Variants in MGAM2 observed in about 807,000 individuals in gnomAD.
The protein encoded by MGAM2 is maltase-glucoamylase 2 (putative), also known as probable maltase-glucoamylase 2.
MGAM2 carries 98 observed loss-of-function variants against 96.1 expected under a neutral mutation model. The observed-to-expected ratio is 1.02, with a 90% CI of 0.87 to 1.21. The LOEUF (loss-of-function observed/expected upper bound fraction) is 1.21, where lower values mean the gene tolerates loss of function less well. Ranked by LOEUF, MGAM2 falls within the 50% of genes most tolerant of loss-of-function variation. The pLI is 0.00. For missense variants in MGAM2, 2,055 were observed against 1,182.4 expected (o/e 1.74, Z -10.82); for synonymous variants, 749 against 414.8 (o/e 1.81, Z -9.79).
chr7:142,183,997 G>A (rs1477605515), intron 33 of MGAM2, among the ~76,000 whole-genome samples: 2 of 78,984 alleles, frequency 2.5e-5, no homozygotes, highest in East Asian at 8.5e-4. Context: ...TTTTGAGATG[G>A]AGTGTCACTC....
chr7:142,185,004 C>A, intron 33 of MGAM2, 73 bp from the exon 34 acceptor site: 1 of 683,248 alleles, frequency 1.5e-6, no homozygotes, highest in South Asian at 1.6e-5. Flanking sequence ...TCATCAGAGT[C>A]TAACACATGA....
At chr7:142,121,651 A>G (rs1400591807) in intron 3 of MGAM2, among the ~76,000 whole-genome samples, 1 of 150,580 alleles carries the variant, frequency 6.6e-6, no homozygotes, top group African/African-American at 2.4e-5. Flanking sequence ...TTTTCTTACT[A>G]TTATTTTATT....
intron 7 of MGAM2, among the ~76,000 whole-genome samples, chr7:142,134,458 C>G (rs1173157389): frequency 1.3e-5 from 2 of 152,018 alleles, no homozygotes; most frequent in Non-Finnish European, 2.9e-5. Context: ...ATTACTATGT[C>G]TTGGTTTAAT....
At chr7:142,172,874 C>G in intron 30 of MGAM2, 110 bp downstream of exon 30, 2 of 578,852 alleles carry the variant, frequency 3.5e-6, no homozygotes, top group Non-Finnish European at 6.1e-6. Flanking sequence ...AGTGTCACTA[C>G]TAGATTATTA....
In MGAM2 at chr7:142,172,158, G is replaced by T; in HGVS notation, c.3412G>T (p.Ala1138Ser). 1.4e-6 allele frequency: 1 copy of T among 726,336 alleles called. No homozygotes were observed. Among genetic ancestry groups the T allele is most frequent in the Non-Finnish European group, 2.5e-6 (1 of 395,734 alleles). The allele number at this position is 726,336 out of a possible 1,614,324, so 45.0% of individuals were successfully genotyped here. ...YYMALEEDGS[A>S]HGVLLLNSNA... Reference sequence around the variant, plus strand: ...CATGGCACTGGAGGAGGATGGTAGTGCCCATGGAGTGCTCCTGCTAAATAG... The same window carrying T: ...CATGGCACTGGAGGAGGATGGTAGTTCCCATGGAGTGCTCCTGCTAAATAG... Residue 1138 changes from alanine to serine, a missense_variant, in exon 29 of 48, where the codon GCC becomes TCC. By Grantham distance (99) the Ala-to-Ser change is moderately conservative (BLOSUM62 1). Transcript: ENST00000477922.
At chr7:142,198,810 C>T (rs1489004444) in intron 44 of MGAM2, 71 bp downstream of exon 44, 5 of 646,374 alleles carry the variant, frequency 7.7e-6, no homozygotes, top group Non-Finnish European at 1.1e-5. Context: ...GGAGGCTGTC[C>T]CACCTTCGCC....
At chr7:142,146,374 C>T (rs1404405959) in intron 14 of MGAM2, among the ~76,000 whole-genome samples, 3 of 152,052 alleles carry the variant, frequency 2.0e-5, no homozygotes, top group Admixed American at 2.0e-4. Flanking sequence ...GAATCTCATG[C>T]CACACACCAA....
chr7:142,181,294 C>T lies in MGAM2; in HGVS notation c.3817-1972C>T, dbSNP rs113833781. On this transcript the variant is annotated intron_variant, in intron 32 of 47. Coordinates refer to ENST00000477922, the MANE Select transcript of MGAM2 (RefSeq NM_001293626.2). Reference sequence around the variant, plus strand: ...AGTTGATTGGCTTCATTTCTGGGTGCTTTCAGAGGCCCAAGGCTCTTTAAG... The same window carrying T: ...AGTTGATTGGCTTCATTTCTGGGTGTTTTCAGAGGCCCAAGGCTCTTTAAG... Among the ~76,000 whole-genome samples the T allele has an allele frequency of 5.2e-3, 788 of 152,224 alleles. 8 individuals are homozygous for T. Among genetic ancestry groups the T allele is most frequent in the African/African-American group, 0.018 (759 of 41,538 alleles).
chr7:142,117,814 T>A (rs539476394), intron 2 of MGAM2, among the ~76,000 whole-genome samples: 1 of 152,348 alleles, frequency 6.6e-6, no homozygotes, highest in East Asian at 1.9e-4. Context: ...CTCCTGAGAT[T>A]GCTATCCAGT....
chr7:142,128,077 C>T (rs1397693166), intron 3 of MGAM2, among the ~76,000 whole-genome samples: 1 of 152,110 alleles, frequency 6.6e-6, no homozygotes, highest in Non-Finnish European at 1.5e-5. Flanking sequence ...TTGTTGGGAA[C>T]TGGAATAAAG....
rs536923286 is a variant in MGAM2, at chr7:142,198,759, T to A, written c.5048+20T>A. ...CTCCAGGTGAGGAGAAGAGGCAATGTCTAACAGCCTCTTGCTATACCGTAA... is the reference window on the plus strand; with the variant it reads ...CTCCAGGTGAGGAGAAGAGGCAATGACTAACAGCCTCTTGCTATACCGTAA... On this transcript the variant is annotated intron_variant, in intron 44 of 47. Coordinates refer to ENST00000477922, the MANE Select transcript of MGAM2 (RefSeq NM_001293626.2). 1 of 701,776 alleles carries A rather than the reference T, an allele frequency of 1.4e-6. No homozygotes were observed. The highest frequency in any genetic ancestry group is 1.7e-5 in the African/African-American group (1 of 57,356). 43.5% of individuals were successfully genotyped at this position (701,776 alleles called of 1,614,324 possible). A position where few individuals can be genotyped will look rare whatever the true frequency, so the allele number is the denominator to read the frequency against.
rs535201051 is a variant in MGAM2 at position 142,191,256 on chromosome 7, C to T, written c.4346+1751C>T. On this transcript the variant is annotated intron_variant, in intron 37 of 47. Transcript: ENST00000477922. ...TAAACTTTTCACTTCCATAACCATG[C>T]CTTTTGGAGCACATTTTTAAAAGTT... Among the ~76,000 whole-genome samples, 22 of 152,174 alleles carry T rather than the reference C, an allele frequency of 1.4e-4. 1 individual carries two copies. In the East Asian group the frequency reaches 2.1e-3, roughly 15 times the overall value.
Sources: allele counts gnomAD v4.1 joint callset (sites outside exome capture counted in the v4.1 genomes callset), GRCh38; gene constraint gnomAD v4.1.1; transcripts MANE v1.5; gene names NCBI Gene and HGNC (gene_info 2026-07-23, HGNC 2026-07-21).